The following PALM variants were observed in gnomAD, a reference collection of about 807,000 sequenced individuals.
The protein encoded by PALM is paralemmin, also known as paralemmin-1.
Under a neutral mutation model 30.7 loss-of-function variants are expected in PALM, and 18 were observed. The ratio of observed to expected loss-of-function variants is 0.59; its 90% CI spans 0.41 to 0.87. The LOEUF (loss-of-function observed/expected upper bound fraction) is 0.87. Among genes scored for constraint, PALM ranks in the 40% least tolerant of loss-of-function variants. The pLI, the probability that PALM is intolerant of heterozygous loss-of-function variation, is 0.00. For synonymous variants in PALM, 286 were observed against 242.8 expected (o/e 1.18, Z -1.66); for missense variants, 529 against 555.4 (o/e 0.95, Z 0.48).
At position 734,829 on chromosome 19, in the gene PALM, CTG is replaced by C. The variant is rs372972366; in HGVS notation, c.442+637_442+638del. On this transcript the variant is annotated intron_variant, in intron 6 of 8. Transcript: ENST00000338448. ...CCTGGGCGACAGAGCGAGACCCTGT[CTG>C]TAAACTGCATTTCACGGAACGTGTC... 23 of 158,516 alleles carry C rather than the reference CTG, an allele frequency of 1.5e-4. 1 individual carries two copies. In the East Asian group the frequency reaches 2.3e-3, roughly 16 times the overall value. The allele number at this position is 158,516 out of a possible 1,614,324, so 9.8% of individuals were successfully genotyped here. A position where few individuals can be genotyped will look rare whatever the true frequency, so the allele number is the denominator to read the frequency against.
intron 5 of PALM, among the ~76,000 whole-genome samples, chr19:731,877 G>A (rs1033073224): frequency 6.6e-6 from 1 of 151,730 alleles, no homozygotes; most frequent in Non-Finnish European, 1.5e-5. Context: ...GGCCAGGCTG[G>A]TCCCAAACTC....
intron 1 of PALM, among the ~76,000 whole-genome samples, chr19:710,250 G>T (rs574233790): frequency 1.3e-5 from 2 of 152,220 alleles, no homozygotes; most frequent in Non-Finnish European, 2.9e-5. Context: ...CCCGCGGCTG[G>T]GTGGGGGCCG....
chr19:721,420 C>A (rs2032478231), intron 1 of PALM, among the ~76,000 whole-genome samples: 1 of 151,612 alleles, frequency 6.6e-6, no homozygotes, highest in Admixed American at 6.6e-5. Flanking sequence ...CGCCTGGCAC[C>A]ACCCCCAGCT....
intron 5 of PALM, 21 bp downstream of exon 5, chr19:731,266 A>T: frequency 6.3e-7 from 1 of 1,582,746 alleles, no homozygotes; most frequent in Non-Finnish European, 8.6e-7. Context: ...GACTGGGGGG[A>T]GCGGATCCCC....
chr19:725,624 C>G (rs1415979478), intron 1 of PALM, among the ~76,000 whole-genome samples: 1 of 152,138 alleles, frequency 6.6e-6, no homozygotes, highest in Non-Finnish European at 1.5e-5. Context: ...GACTTGGATC[C>G]TTTGCTGTGC....
intron 5 of PALM, among the ~76,000 whole-genome samples, chr19:732,665 G>A (rs1380734747): frequency 6.6e-6 from 1 of 152,152 alleles, no homozygotes; most frequent in Admixed American, 6.5e-5. Context: ...CTACACTCCA[G>A]CCTGGGAGAC....
At chr19:715,442 C>T (rs1008670954) in intron 1 of PALM, among the ~76,000 whole-genome samples, 3 of 152,196 alleles carry the variant, frequency 2.0e-5, no homozygotes, top group African/African-American at 7.2e-5. Flanking sequence ...GCAGCATCTT[C>T]TCTGAGGTGT....
Position 740,472 on chromosome 19 carries a change from A to G in PALM, c.623A>G (p.Asp208Gly). Residue 208 changes from aspartate to glycine, a missense_variant, in exon 8 of 9, where the codon GAC becomes GGC. Coordinates refer to ENST00000338448, the MANE Select transcript of PALM (RefSeq NM_002579.3). ...CCTCTGGGCATCAAAGTCTACGAGGACGAGACCAAAGGTACGAGCACCCCG... is the reference window on the plus strand; with the variant it reads ...CCTCTGGGCATCAAAGTCTACGAGGGCGAGACCAAAGGTACGAGCACCCCG... ...PLPLGIKVYE[D>G]ETKVVHAVDG... 1 of 1,551,622 alleles carries G rather than the reference A, an allele frequency of 6.4e-7. No homozygotes were observed. Among genetic ancestry groups the G allele is most frequent in the Non-Finnish European group, 8.7e-7 (1 of 1,147,096 alleles).
intron 1 of PALM, among the ~76,000 whole-genome samples, chr19:714,331 C>T (rs1336019184): frequency 6.0e-5 from 9 of 149,654 alleles, no homozygotes; most frequent in Non-Finnish European, 1.0e-4. Flanking sequence ...TGAGCCACCG[C>T]GCCCAGCCTA....
At position 719,211 on chromosome 19, in the gene PALM, CCCGCCTCGGACAG is replaced by C. The variant is rs2032371549; in HGVS notation, c.6-6926_6-6914del. ...ACGCCCCCATCCCACACACGCCCCT[CCCGCCTCGGACAG>C]GGCCCGCCCTGCTCGCTGGGTGACC... On this transcript the variant is annotated intron_variant, in intron 1 of 8. Coordinates refer to ENST00000338448, the MANE Select transcript of PALM (RefSeq NM_002579.3). The C allele has an allele frequency of 6.1e-6, 6 of 985,602 alleles. No homozygotes were observed. The South Asian group carries it at 2.3e-4, about 39-fold the overall frequency. The allele number at this position is 985,602 out of a possible 1,614,324, so 61.1% of individuals were successfully genotyped here.
chr19:711,087 A>G, intron 1 of PALM: 1 of 579,274 alleles, frequency 1.7e-6, no homozygotes, highest in Non-Finnish European at 2.2e-6. Flanking sequence ...TCACAAATGA[A>G]TTTAAGAATT....
intron 7 of PALM, among the ~76,000 whole-genome samples, chr19:738,913 C>A (rs1057438470): frequency 2.0e-5 from 3 of 152,168 alleles, no homozygotes; most frequent in African/African-American, 7.2e-5. Context: ...GCATTGGGAA[C>A]AGCCTGTGCA....
At chr19:719,440 C>G in intron 1 of PALM, 1 of 985,360 alleles carries the variant, frequency 1.0e-6, no homozygotes, top group Non-Finnish European at 1.2e-6. Context: ...AAAAGCATCG[C>G]GGGGACGGGA....
At chr19:732,624 G>A (rs2032909096) in intron 5 of PALM, among the ~76,000 whole-genome samples, 3 of 152,138 alleles carry the variant, frequency 2.0e-5, no homozygotes, top group African/African-American at 4.8e-5. Context: ...TACCCAGGGG[G>A]CAGAGGTTGC....
chr19:726,263 A>G (rs1053041413), intron 2 of PALM, 74 bp downstream of exon 2: 25 of 1,292,730 alleles, frequency 1.9e-5, no homozygotes, highest in Non-Finnish European at 2.8e-5. Context: ...CGGGCCCTGG[A>G]CCTGTCCTAG....
At chr19:723,974 T>G in intron 1 of PALM, among the ~76,000 whole-genome samples, 1 of 149,740 alleles carries the variant, frequency 6.7e-6, no homozygotes, top group Non-Finnish European at 1.5e-5. Context: ...GGGGAGGGTT[T>G]GGGTGGCAAA....
chr19:744,665 G>A (rs1029690778), intron 8 of PALM, among the ~76,000 whole-genome samples: 4 of 152,042 alleles, frequency 2.6e-5, no homozygotes, highest in South Asian at 2.1e-4. Flanking sequence ...AGGCCAAGGC[G>A]GGTGGCTCAC....
chr19:719,703 G>A (rs2032393060), intron 1 of PALM: 1 of 859,158 alleles, frequency 1.2e-6, no homozygotes, highest in Non-Finnish European at 1.4e-6. Flanking sequence ...CGTGACCCCT[G>A]CGCCGGGGTC....
chr19:739,337 G>A (rs1437787713), intron 7 of PALM, among the ~76,000 whole-genome samples: 10 of 152,142 alleles, frequency 6.6e-5, no homozygotes, highest in South Asian at 4.1e-4. Context: ...AGTCTCCGCC[G>A]TGACCCCGGG....
Sources: allele counts gnomAD v4.1 joint callset (sites outside exome capture counted in the v4.1 genomes callset), GRCh38; gene constraint gnomAD v4.1.1; transcripts MANE v1.5; gene names NCBI Gene and HGNC (gene_info 2026-07-23, HGNC 2026-07-21).